The following TRIP12 variants were observed in gnomAD, a reference collection of about 807,000 sequenced individuals.
TRIP12 encodes the protein E3 ubiquitin-protein ligase TRIP12.
A neutral mutation model predicts 244.2 loss-of-function variants in TRIP12; 25 were observed. The observed-to-expected ratio is 0.10, with a 90% CI of 0.07 to 0.14. TRIP12 has a LOEUF of 0.14. Ranked by LOEUF, TRIP12 falls within the 10% of genes least tolerant of loss-of-function variation. The pLI is 1.00. For synonymous variants in TRIP12, 905 were observed against 873.1 expected (o/e 1.04, Z -0.64); for missense variants, 1,677 against 2,486.4 (o/e 0.67, Z 6.92).
chr2:229,779,428 T>G (rs2037363605), intron 34 of TRIP12, among the ~76,000 whole-genome samples: 1 of 152,246 alleles, frequency 6.6e-6, no homozygotes, highest in Non-Finnish European at 1.5e-5. Context: ...TTCTTGGGGC[T>G]TATTTTTCAG....
chr2:229,813,971 C>T lies in TRIP12; in HGVS notation c.1885G>A (p.Ala629Thr). The change falls in exon 13 of 42, where the codon GCA becomes ACA. Residue 629 changes from alanine to threonine, a missense_variant. This residue lies in a region of TRIP12 where 572 missense variants were observed against 867.8 expected (regional missense o/e 0.66). Transcript: ENST00000675903. Reference protein sequence around the residue: ...EFFSINAQRNALAIAANCCQS... With the variant: ...EFFSINAQRNTLAIAANCCQS... ...CAGCAATTAGCTGCAATTGCTAATG[C>T]ATTTCTTTGGGCATTTATGCTGAAG... 1 of 1,598,326 alleles carries T rather than the reference C, an allele frequency of 6.3e-7. No individual in the cohort carries two copies. Among genetic ancestry groups the T allele is most frequent in the South Asian group, 1.1e-5 (1 of 89,940 alleles).
Position 229,774,193 on chromosome 2 carries a change from T to A in TRIP12, c.5598A>T (p.Gly1866=). The part of the protein sequence containing the change: ...TMNGCSVEDL[G]LDFTLPGFPN... ...GAAACCCTGGCAGAGTGAAATCCAGTCCTAGATCTTCAACTGAGCAGCCAT... is the reference window on the plus strand; with the variant it reads ...GAAACCCTGGCAGAGTGAAATCCAGACCTAGATCTTCAACTGAGCAGCCAT... Residue 1866 remains glycine, a synonymous_variant, in exon 38 of 42, where the codon GGA becomes GGT. Coordinates refer to ENST00000675903, the MANE Select transcript of TRIP12 (RefSeq NM_001348323.3). 1.9e-6 allele frequency: 3 copies of A among 1,614,148 alleles called. No individual in the cohort carries two copies. Among genetic ancestry groups the A allele is most frequent in the Non-Finnish European group, 2.5e-6 (3 of 1,180,022 alleles).
At chr2:229,850,536 C>A (rs1226076981) in intron 4 of TRIP12, among the ~76,000 whole-genome samples, 1 of 152,218 alleles carries the variant, frequency 6.6e-6, no homozygotes, top group Non-Finnish European at 1.5e-5. Flanking sequence ...GTTGGTGAAA[C>A]TGAAAGGTGA....
intron 4 of TRIP12, among the ~76,000 whole-genome samples, chr2:229,855,732 G>T (rs2059497917): frequency 6.6e-6 from 1 of 151,846 alleles, no homozygotes; most frequent in Non-Finnish European, 1.5e-5. Flanking sequence ...TCATCTCCTT[G>T]GAATACATTT....
In TRIP12 at chr2:229,913,554, G is replaced by T. The variant is rs1371155974; in HGVS notation, c.-50+8326C>A. On this transcript the variant is annotated intron_variant, in intron 1 of 41. Coordinates refer to ENST00000675903, the MANE Select transcript of TRIP12 (RefSeq NM_001348323.3). ...AACCAACTAACTAAAATATTCTAGGGTCTTAACAATTCCTTAAGTAGCTGA... is the reference window on the plus strand; with the variant it reads ...AACCAACTAACTAAAATATTCTAGGTTCTTAACAATTCCTTAAGTAGCTGA... 3.9e-5 allele frequency among the ~76,000 whole-genome samples: 6 copies of T among 152,076 alleles called. No homozygotes were observed. The East Asian group carries it at 7.7e-4, about 20-fold the overall frequency.
intron 23 of TRIP12, 44 bp from the exon 24 acceptor site, chr2:229,797,875 G>A: frequency 6.3e-7 from 1 of 1,592,216 alleles, no homozygotes. Flanking sequence ...AGTGTATGTA[G>A]AAAGGATATA....
intron 4 of TRIP12, among the ~76,000 whole-genome samples, chr2:229,847,779 C>T (rs896766794): frequency 1.3e-5 from 2 of 152,194 alleles, no homozygotes; most frequent in African/African-American, 2.4e-5. Context: ...TCCTCAGATC[C>T]TCTCCCACAC....
At chr2:229,769,155 G>C in intron 40 of TRIP12, 76 bp downstream of exon 40, 1 of 1,248,610 alleles carries the variant, frequency 8.0e-7, no homozygotes, top group African/African-American at 1.5e-5. Flanking sequence ...ACACATGTGC[G>C]CATGTGTGTG....
At chr2:229,809,278 A>G (rs568172932) in intron 15 of TRIP12, among the ~76,000 whole-genome samples, 13 of 152,264 alleles carry the variant, frequency 8.5e-5, no homozygotes, top group African/African-American at 3.1e-4. Flanking sequence ...AAGTTTGAAT[A>G]CATGGTATGC....
intron 2 of TRIP12, among the ~76,000 whole-genome samples, chr2:229,870,765 ATT>A (rs1333418596): frequency 6.6e-6 from 1 of 152,098 alleles, no homozygotes; most frequent in African/African-American, 2.4e-5. Flanking sequence ...TTATTTATTT[ATT>A]TTTTTGCGGT....
At chr2:229,856,836 T>A (rs1317467436) in intron 4 of TRIP12, among the ~76,000 whole-genome samples, 1 of 152,240 alleles carries the variant, frequency 6.6e-6, no homozygotes, top group Non-Finnish European at 1.5e-5. Context: ...GATACTGATC[T>A]AGCCTATCTT....
rs1299842707 is a variant in TRIP12, at chr2:229,811,044, T to C, written c.2057A>G (p.Asn686Ser). 1.2e-6 allele frequency: 2 copies of C among 1,613,738 alleles called. No homozygotes were observed. The highest frequency in any genetic ancestry group is 4.5e-5 in the East Asian group (2 of 44,856). Residue 686 changes from asparagine to serine, a missense_variant and splice_region_variant, in exon 15 of 42, where the codon AAT (asparagine) becomes AGT (serine). Physicochemically the swap from Asn to Ser is conservative, Grantham distance 46. Transcript: ENST00000675903. ...TTTGGAAGCAACCTGCTGGAGTAAA[T>C]TCTTCACAAACACAAGAATAAAGGA... is the stretch of plus-strand genomic sequence containing the variant. ...RLVDNFQHEE[N>S]LLQQVASKDL... is the part of the protein sequence containing the mutation.
chr2:229,773,868 G>A lies in TRIP12; in HGVS notation c.5694+229C>T, dbSNP rs2035368136. The A allele has an allele frequency of 1.3e-5, 5 of 378,046 alleles. No homozygotes were observed. The South Asian group carries it at 3.0e-4, about 23-fold the overall frequency. The allele number at this position is 378,046 out of a possible 1,614,324, so 23.4% of individuals were successfully genotyped here. On this transcript the variant is annotated intron_variant, in intron 38 of 41. Coordinates refer to ENST00000675903, the MANE Select transcript of TRIP12 (RefSeq NM_001348323.3). ...TAAGAAAACGTGGTGTAATTAGATA[G>A]CATTCAAGCCTGAGGAGAAATAATT... is the stretch of plus-strand genomic sequence containing the variant.
intron 34 of TRIP12, among the ~76,000 whole-genome samples, chr2:229,785,367 T>C (rs1038172611): frequency 1.1e-4 from 16 of 152,226 alleles, no homozygotes; most frequent in African/African-American, 3.6e-4. Context: ...TATCTTGACG[T>C]GAAAGTGGTA....
intron 6 of TRIP12, among the ~76,000 whole-genome samples, chr2:229,832,741 G>A (rs1256061612): frequency 6.6e-6 from 1 of 152,190 alleles, no homozygotes; most frequent in East Asian, 1.9e-4. Context: ...GACTTCACAG[G>A]TTGTACCCTT....
At chr2:229,805,464 T>C (rs1361592374) in intron 18 of TRIP12, among the ~76,000 whole-genome samples, 13 of 152,116 alleles carry the variant, frequency 8.5e-5, no homozygotes, top group Non-Finnish European at 2.9e-5. Context: ...ATAATAGTAA[T>C]GACAGGATCA....
chr2:229,841,738 C>T (rs1376847653), intron 4 of TRIP12, among the ~76,000 whole-genome samples: 2 of 152,204 alleles, frequency 1.3e-5, no homozygotes, highest in Non-Finnish European at 2.9e-5. Context: ...TCATCTTAAA[C>T]AGCTGTTAAC....
intron 41 of TRIP12, 42 bp from the exon 42 acceptor site, chr2:229,767,792 A>T: frequency 6.4e-7 from 1 of 1,568,070 alleles, no homozygotes; most frequent in Non-Finnish European, 8.6e-7. Flanking sequence ...TAAGTTTTTA[A>T]AAAACATCAG....
Position 229,859,034 on chromosome 2 carries a change from G to A in TRIP12, c.765C>T (p.Ser255=). 5 of 1,614,210 alleles carry A rather than the reference G, an allele frequency of 3.1e-6. No individual in the cohort carries two copies. Among genetic ancestry groups the A allele is most frequent in the Non-Finnish European group, 4.2e-6 (5 of 1,180,026 alleles). ...SSSSSAVASA[S]STVPPGARVK... ...CTCTGGCACCTGGTGGTACAGTGGA[G>A]GAGGCCGAGGCTACAGCAGAAGACG... The change falls in exon 4 of 42, where the codon TCC becomes TCT. Residue 255 remains serine, a synonymous_variant. Transcript: ENST00000675903.
Sources: allele counts gnomAD v4.1 joint callset (sites outside exome capture counted in the v4.1 genomes callset), GRCh38; gene constraint gnomAD v4.1.1; regional missense constraint gnomAD v4.1.1; transcripts MANE v1.5; gene names NCBI Gene and HGNC (gene_info 2026-07-23, HGNC 2026-07-21).